FOXO3: variants seen among roughly 807,000 people sequenced by gnomAD.
FOXO3 encodes the protein forkhead box O3.
FOXO3 carries 4 observed loss-of-function variants against 41.9 expected under a neutral mutation model. The ratio of observed to expected loss-of-function variants is 0.10; its 90% CI spans 0.05 to 0.22. FOXO3 has a LOEUF of 0.22. Ranked by LOEUF, FOXO3 falls within the 10% of genes least tolerant of loss-of-function variation. FOXO3 has a pLI of 1.00. For missense variants in FOXO3, 534 were observed against 906.8 expected (o/e 0.59, Z 5.28); for synonymous variants, 318 against 389.3 (o/e 0.82, Z 2.16).
At position 108,680,202 on chromosome 6, in the gene FOXO3, T is replaced by G. The variant is rs1770788271; in HGVS notation, c.*410T>G. 1 of 152,656 alleles carries G rather than the reference T, an allele frequency of 6.6e-6. No individual in the cohort carries two copies. The highest frequency in any genetic ancestry group is 6.5e-5 in the Admixed American group (1 of 15,280). 9.5% of individuals were successfully genotyped at this position (152,656 alleles called of 1,614,324 possible). ...TTGTGTTTGTTTTCCTTTGACTTTC[T>G]GAGTTTTTCACATGCATTAACTTGC... On this transcript the variant is annotated 3_prime_UTR_variant, in exon 3 of 3. Transcript: ENST00000406360.
chr6:108,651,794 G>A (rs1778553679), intron 1 of FOXO3, among the ~76,000 whole-genome samples: 1 of 152,206 alleles, frequency 6.6e-6, no homozygotes, highest in African/African-American at 2.4e-5. Flanking sequence ...GTAGGCATAT[G>A]TAACCTTAAA....
chr6:108,628,353 C>T (rs1393903107), intron 1 of FOXO3, among the ~76,000 whole-genome samples: 1 of 152,222 alleles, frequency 6.6e-6, no homozygotes, highest in African/African-American at 2.4e-5. Context: ...GTACTCTTCT[C>T]TCCTCCCCCA....
At chr6:108,652,077 T>G (rs1052042149) in intron 1 of FOXO3, among the ~76,000 whole-genome samples, 1 of 152,210 alleles carries the variant, frequency 6.6e-6, no homozygotes, top group Non-Finnish European at 1.5e-5. Context: ...GCCAGCTGTT[T>G]TAGGGCCTGA....
At chr6:108,653,073 A>C (rs1049982566) in intron 1 of FOXO3, among the ~76,000 whole-genome samples, 1 of 152,186 alleles carries the variant, frequency 6.6e-6, no homozygotes, top group Admixed American at 6.5e-5. Context: ...TGGGCTGTTT[A>C]ATTGAAGTTA....
chr6:108,638,118 G>A (rs1404316171), intron 1 of FOXO3, among the ~76,000 whole-genome samples: 4 of 152,138 alleles, frequency 2.6e-5, no homozygotes, highest in Admixed American at 6.5e-5. Context: ...GCATGCTTGC[G>A]TGTTTCCCCT....
Position 108,668,751 on chromosome 6 carries a change from TC to T in FOXO3, c.*34+3863del, listed in dbSNP as rs558792631. 5.0e-4 allele frequency among the ~76,000 whole-genome samples: 76 copies of T among 152,284 alleles called. No homozygotes were observed. In the East Asian group the frequency reaches 0.014, roughly 28 times the overall value. ...TCACTTCTTGTCTCTGCCACATCAC[TC>T]AATCTTGTAGAATATTAGGTTTCTC... On this transcript the variant is annotated intron_variant, in intron 2 of 2. Coordinates refer to ENST00000406360, the MANE Select transcript of FOXO3 (RefSeq NM_001455.4).
At chr6:108,617,771 C>CA (rs1025654249) in intron 1 of FOXO3, among the ~76,000 whole-genome samples, 3 of 151,952 alleles carry the variant, frequency 2.0e-5, no homozygotes, top group Non-Finnish European at 4.4e-5. Flanking sequence ...CACTTGATGT[C>CA]AATCAAAACA....
At chr6:108,564,536 C>T (rs777989845) in intron 1 of FOXO3, among the ~76,000 whole-genome samples, 2 of 152,282 alleles carry the variant, frequency 1.3e-5, no homozygotes, top group African/African-American at 2.4e-5. Context: ...ATAAAGGGCA[C>T]GGTATGCAGG....
At chr6:108,661,468 C>G (rs1051823729) in intron 1 of FOXO3, among the ~76,000 whole-genome samples, 24 of 152,124 alleles carry the variant, frequency 1.6e-4, no homozygotes, top group Non-Finnish European at 8.8e-5. Context: ...CATACAGATT[C>G]ATCAGCTCCT....
intron 1 of FOXO3, chr6:108,618,178 A>C (rs970289889): frequency 6.0e-6 from 6 of 996,506 alleles, no homozygotes; most frequent in Non-Finnish European, 9.6e-6. Context: ...TAAGTGGTGT[A>C]TGCCTCTTAA....
intron 2 of FOXO3, among the ~76,000 whole-genome samples, chr6:108,666,396 C>T (rs368761191): frequency 6.6e-6 from 1 of 151,496 alleles, no homozygotes; most frequent in East Asian, 1.9e-4. Context: ...AGTACAGTGG[C>T]GCGATCTCGG....
intron 1 of FOXO3, among the ~76,000 whole-genome samples, chr6:108,636,573 A>G (rs543076629): frequency 6.6e-6 from 1 of 152,252 alleles, no homozygotes; most frequent in Admixed American, 6.5e-5. Flanking sequence ...ATTCTCAGGA[A>G]GGCGGTGACT....
rs143393652 is a variant in FOXO3, at chr6:108,617,437, G to A, written c.622-46018G>A. Among the ~76,000 whole-genome samples the A allele has an allele frequency of 1.8e-3, 277 of 151,628 alleles. 3 individuals are homozygous for A. Among genetic ancestry groups the A allele is most frequent in the African/African-American group, 6.3e-3 (259 of 41,322 alleles). On this transcript the variant is annotated intron_variant, in intron 1 of 2. Coordinates refer to ENST00000406360, the MANE Select transcript of FOXO3 (RefSeq NM_001455.4). Reference sequence around the variant, plus strand: ...AAGAAGTTTATTTAAACAGTAAGACGCTTGACTTAAAGAGAAAACTATATA... The same window carrying A: ...AAGAAGTTTATTTAAACAGTAAGACACTTGACTTAAAGAGAAAACTATATA...
chr6:108,639,860 A>T (rs1778209885), intron 1 of FOXO3, among the ~76,000 whole-genome samples: 1 of 152,174 alleles, frequency 6.6e-6, no homozygotes, highest in Non-Finnish European at 1.5e-5. Flanking sequence ...TGAACACAAT[A>T]CTCTGTGAAT....
At chr6:108,626,296 C>T (rs1158198273) in intron 1 of FOXO3, among the ~76,000 whole-genome samples, 3 of 152,184 alleles carry the variant, frequency 2.0e-5, no homozygotes, top group Non-Finnish European at 2.9e-5. Flanking sequence ...GACTGCCGGA[C>T]TCAGAGTTGA....
chr6:108,663,699 C>G lies in FOXO3; in HGVS notation c.866C>G (p.Ser289Cys). The change falls in exon 2 of 3, where the codon TCC (serine) becomes TGC (cysteine). Residue 289 changes from serine (S) to cysteine (C), a missense_variant. Ser to Cys is a moderately radical substitution (Grantham distance 112, BLOSUM62 -1). Coordinates refer to ENST00000406360, the MANE Select transcript of FOXO3 (RefSeq NM_001455.4). ...ESADDSPSQL[S>C]KWPGSPTSRS... ...GCTGACGACAGTCCCTCCCAGCTCT[C>G]CAAGTGGCCTGGCAGCCCCACGTCA... 1 of 1,613,580 alleles carries G rather than the reference C, an allele frequency of 6.2e-7. No homozygotes were observed. Among genetic ancestry groups the G allele is most frequent in the South Asian group, 1.1e-5 (1 of 91,018 alleles).
At chr6:108,612,585 C>T (rs1777392950) in intron 1 of FOXO3, among the ~76,000 whole-genome samples, 1 of 151,652 alleles carries the variant, frequency 6.6e-6, no homozygotes, top group Non-Finnish European at 1.5e-5. Context: ...GAGGCTGTGG[C>T]AGAAGAATTG....
intron 1 of FOXO3, among the ~76,000 whole-genome samples, chr6:108,581,983 A>T (rs1051585572): frequency 6.6e-6 from 1 of 152,192 alleles, no homozygotes; most frequent in African/African-American, 2.4e-5. Flanking sequence ...GATAAATGGT[A>T]AAGATAAAGC....
intron 1 of FOXO3, among the ~76,000 whole-genome samples, chr6:108,580,818 G>A (rs922962337): frequency 2.0e-5 from 3 of 152,204 alleles, no homozygotes; most frequent in Non-Finnish European, 4.4e-5. Context: ...TGAGTGTTAG[G>A]TTGTAGACAA....
Sources: allele counts gnomAD v4.1 joint callset (sites outside exome capture counted in the v4.1 genomes callset), GRCh38; gene constraint gnomAD v4.1.1; transcripts MANE v1.5; gene names NCBI Gene and HGNC (gene_info 2026-07-23, HGNC 2026-07-21).